Variants in ADGRB3 observed in about 807,000 individuals in gnomAD.
ADGRB3 encodes brain-specific angiogenesis inhibitor 3.
ADGRB3 carries 37 observed loss-of-function variants against 193.4 expected under a neutral mutation model. The ratio of observed to expected loss-of-function variants is 0.19; its 90% CI spans 0.15 to 0.25. ADGRB3 has a LOEUF of 0.25. Ranked by LOEUF, ADGRB3 falls within the 10% of genes least tolerant of loss-of-function variation. The pLI, the probability that ADGRB3 is intolerant of heterozygous loss-of-function variation, is 1.00. For missense variants in ADGRB3, 1,637 were observed against 1,852.9 expected (o/e 0.88, Z 2.14); for synonymous variants, 690 against 644.2 (o/e 1.07, Z -1.08).
At chr6:69,255,937 C>A (rs1766758987) in intron 20 of ADGRB3, among the ~76,000 whole-genome samples, 2 of 152,116 alleles carry the variant, frequency 1.3e-5, no homozygotes, top group Non-Finnish European at 2.9e-5. Flanking sequence ...CCAGTTTTCC[C>A]AGCACCATTT....
At chr6:68,825,851 A>G (rs536008432) in intron 3 of ADGRB3, among the ~76,000 whole-genome samples, 42 of 152,320 alleles carry the variant, frequency 2.8e-4, no homozygotes, top group Non-Finnish European at 5.4e-4. Context: ...GGAACTGTGA[A>G]TCAATTAAAC....
At chr6:69,226,100 T>G (rs145849714) in intron 17 of ADGRB3, among the ~76,000 whole-genome samples, 29 of 152,290 alleles carry the variant, frequency 1.9e-4, no homozygotes, top group Non-Finnish European at 4.1e-4. Context: ...CTACCATTCT[T>G]GTAAATAATG....
At chr6:68,785,639 GCA>G (rs1766951724) in intron 3 of ADGRB3, among the ~76,000 whole-genome samples, 1 of 151,708 alleles carries the variant, frequency 6.6e-6, no homozygotes, top group Admixed American at 6.6e-5. Context: ...GTCTTTATAG[GCA>G]CATAATTTAT....
chr6:68,802,888 C>A (rs1767338578), intron 3 of ADGRB3, among the ~76,000 whole-genome samples: 1 of 152,126 alleles, frequency 6.6e-6, no homozygotes, highest in Non-Finnish European at 1.5e-5. Flanking sequence ...AAGTTATTAA[C>A]AACATTCTAT....
intron 3 of ADGRB3, among the ~76,000 whole-genome samples, chr6:68,764,653 A>T (rs1766473919): frequency 6.6e-6 from 1 of 152,178 alleles, no homozygotes; most frequent in African/African-American, 2.4e-5. Context: ...GAAGATAGAG[A>T]TGGAAGCCTT....
intron 3 of ADGRB3, among the ~76,000 whole-genome samples, chr6:68,748,506 A>T (rs999220218): frequency 6.6e-6 from 1 of 152,226 alleles, no homozygotes; most frequent in African/African-American, 2.4e-5. Flanking sequence ...CATTGAGTCC[A>T]GGTCTCACAT....
intron 3 of ADGRB3, among the ~76,000 whole-genome samples, chr6:68,865,516 TA>T (rs1277249627): frequency 2.6e-5 from 4 of 152,232 alleles, no homozygotes; most frequent in Non-Finnish European, 5.9e-5. Context: ...CCTGCTCAGT[TA>T]CCTAGTGTGA....
At chr6:69,373,354 G>A (rs1399035930) in intron 30 of ADGRB3, among the ~76,000 whole-genome samples, 2 of 151,940 alleles carry the variant, frequency 1.3e-5, no homozygotes, top group African/African-American at 4.8e-5. Context: ...GCTCTACAAT[G>A]TACATCATGT....
chr6:69,349,142 A>G (rs533881249), intron 26 of ADGRB3, among the ~76,000 whole-genome samples: 1 of 152,368 alleles, frequency 6.6e-6, no homozygotes, highest in East Asian at 1.9e-4. Flanking sequence ...ATGAGGCTGA[A>G]ATGAAATATC....
At chr6:68,748,744 C>G (rs1299948027) in intron 3 of ADGRB3, among the ~76,000 whole-genome samples, 3 of 152,158 alleles carry the variant, frequency 2.0e-5, no homozygotes, top group Non-Finnish European at 2.9e-5. Context: ...AGTAGGGCCT[C>G]TGTGTGGGGG....
chr6:69,221,032 G>C (rs1005652104), intron 17 of ADGRB3, among the ~76,000 whole-genome samples: 1 of 151,962 alleles, frequency 6.6e-6, no homozygotes, highest in Non-Finnish European at 1.5e-5. Flanking sequence ...CTTGAGCAAA[G>C]GGACTATGTT....
At chr6:68,924,848 T>C (rs540274263) in intron 3 of ADGRB3, among the ~76,000 whole-genome samples, 1 of 151,958 alleles carries the variant, frequency 6.6e-6, no homozygotes, top group African/African-American at 2.4e-5. Context: ...ATGTTAATGA[T>C]ATATTTATCA....
At chr6:69,158,221 C>T (rs1261028114) in intron 17 of ADGRB3, among the ~76,000 whole-genome samples, 2 of 151,310 alleles carry the variant, frequency 1.3e-5, no homozygotes, top group Non-Finnish European at 2.9e-5. Context: ...TTATTTTCCC[C>T]CTCACACCTA....
At chr6:69,061,067 T>C (rs1301917668) in intron 15 of ADGRB3, among the ~76,000 whole-genome samples, 1 of 147,858 alleles carries the variant, frequency 6.8e-6, no homozygotes, top group African/African-American at 2.4e-5. Context: ...ATTTATCATT[T>C]AATGAAAAAA....
chr6:69,069,485 G>A (rs990112845), intron 16 of ADGRB3, among the ~76,000 whole-genome samples: 37 of 137,532 alleles, frequency 2.7e-4, no homozygotes, highest in African/African-American at 9.9e-4. Flanking sequence ...TGAGGCGGGT[G>A]GATCATGAGG....
intron 3 of ADGRB3, among the ~76,000 whole-genome samples, chr6:68,843,043 T>TACA (rs202006065): frequency 7.3e-4 from 52 of 71,386 alleles, no homozygotes; most frequent in Admixed American, 2.2e-3. Flanking sequence ...AAAAGCCATA[T>TACA]ACAACAACAA....
intron 3 of ADGRB3, among the ~76,000 whole-genome samples, chr6:68,829,621 A>C (rs556036856): frequency 6.6e-6 from 1 of 152,300 alleles, no homozygotes; most frequent in African/African-American, 2.4e-5. Context: ...TTTTTAACAA[A>C]ACCATATTAT....
chr6:69,388,985 A>C lies in ADGRB3; in HGVS notation c.*94A>C. 7.9e-7 allele frequency: 1 copy of C among 1,273,008 alleles called. No individual in the cohort carries two copies. The allele number at this position is 1,273,008 out of a possible 1,614,324, so 78.9% of individuals were successfully genotyped here. A position where few individuals can be genotyped will look rare whatever the true frequency, so the allele number is the denominator to read the frequency against. On this transcript the variant is annotated 3_prime_UTR_variant, in exon 32 of 32. Transcript: ENST00000370598. ...ACATTTCTATCTGGACAGTGTGACT[A>C]TCTTATGTCAGGACCTTCATGTGCC...
At chr6:69,263,811 C>T (rs1181555672) in intron 20 of ADGRB3, among the ~76,000 whole-genome samples, 1 of 151,930 alleles carries the variant, frequency 6.6e-6, no homozygotes, top group Non-Finnish European at 1.5e-5. Flanking sequence ...ATTCACACCT[C>T]TCATTTTACA....
Sources: allele counts gnomAD v4.1 joint callset (sites outside exome capture counted in the v4.1 genomes callset), GRCh38; gene constraint gnomAD v4.1.1; transcripts MANE v1.5; gene names NCBI Gene and HGNC (gene_info 2026-07-23, HGNC 2026-07-21).